The following ATXN10 variants were observed in gnomAD, a reference collection of about 807,000 sequenced individuals.
ATXN10 encodes ataxin-10.
ATXN10 carries 28 observed loss-of-function variants against 52.9 expected under a neutral mutation model. That is an observed-to-expected ratio of 0.53 (90% CI 0.39 to 0.73). The LOEUF (loss-of-function observed/expected upper bound fraction) is 0.73. Ranked by LOEUF, ATXN10 falls within the 30% of genes least tolerant of loss-of-function variation. ATXN10 has a pLI of 0.00. For synonymous variants in ATXN10, 226 were observed against 221.5 expected (o/e 1.02, Z -0.18); for missense variants, 565 against 577.0 (o/e 0.98, Z 0.21).
intron 9 of ATXN10, among the ~76,000 whole-genome samples, chr22:45,796,818 C>G (rs1363360772): frequency 6.6e-6 from 1 of 152,028 alleles, no homozygotes; most frequent in Non-Finnish European, 1.5e-5. Context: ...TTTTGAAAGG[C>G]AAGACTCAAT....
chr22:45,743,553 T>C (rs1925618618), intron 9 of ATXN10, among the ~76,000 whole-genome samples: 1 of 152,184 alleles, frequency 6.6e-6, no homozygotes, highest in South Asian at 2.1e-4. Context: ...GTGTTTTGTC[T>C]TGATGGATTG....
At chr22:45,809,290 C>T (rs1408690522) in intron 10 of ATXN10, among the ~76,000 whole-genome samples, 2 of 152,086 alleles carry the variant, frequency 1.3e-5, no homozygotes, top group Non-Finnish European at 1.5e-5. Context: ...CTTTACTCCT[C>T]GCTTCCCATT....
At chr22:45,674,728 A>T (rs548658820) in intron 1 of ATXN10, 2 of 152,398 alleles carry the variant, frequency 1.3e-5, no homozygotes, top group East Asian at 3.9e-4. Flanking sequence ...AATAGAAAAC[A>T]GCAGACAAAA....
intron 1 of ATXN10, chr22:45,675,652 A>G (rs1922655953): frequency 6.6e-6 from 1 of 152,258 alleles, no homozygotes; most frequent in South Asian, 2.1e-4. Flanking sequence ...AGCTCCAGTC[A>G]CATCCTCAGC....
Position 45,750,809 on chromosome 22 carries a change from G to C in ATXN10, c.1173+10271G>C, listed in dbSNP as rs767151623. ...TGTGATAAGGATAATCCAGCAACCC[G>C]GGGAGAAAAGGAAAGCTTATTACAA... On this transcript the variant is annotated intron_variant, in intron 9 of 11. Coordinates refer to ENST00000252934, the MANE Select transcript of ATXN10 (RefSeq NM_013236.4). This position sits in a 1 kb window ranked among gnomAD's most constrained non-coding sequence, Gnocchi z 4.2. Among the ~76,000 whole-genome samples, 1 of 152,148 alleles carries C rather than the reference G, an allele frequency of 6.6e-6. No homozygotes were observed. The highest frequency in any genetic ancestry group is 2.4e-5 in the African/African-American group (1 of 41,424).
chr22:45,778,331 A>T (rs1927032280), intron 9 of ATXN10, among the ~76,000 whole-genome samples: 1 of 152,216 alleles, frequency 6.6e-6, no homozygotes, highest in Admixed American at 6.5e-5. Context: ...AGCTCAGGAA[A>T]TACAGCAGTG....
In ATXN10 at chr22:45,793,586, C is replaced by T. The variant is rs1206061035; in HGVS notation, c.1174-13373C>T. The T allele has an allele frequency of 3.0e-6, 4 of 1,312,740 alleles. No homozygotes were observed. The East Asian group carries it at 1.1e-4, about 37-fold the overall frequency. The allele number at this position is 1,312,740 out of a possible 1,614,324, so 81.3% of individuals were successfully genotyped here. ...TGACAAATGACTAGAATTCTGGAGCCTGCACCTTCATTTTAGGCAGCTATT... is the reference window on the plus strand; with the variant it reads ...TGACAAATGACTAGAATTCTGGAGCTTGCACCTTCATTTTAGGCAGCTATT... On this transcript the variant is annotated intron_variant, in intron 9 of 11. Coordinates refer to ENST00000252934, the MANE Select transcript of ATXN10 (RefSeq NM_013236.4).
intron 10 of ATXN10, among the ~76,000 whole-genome samples, chr22:45,829,309 C>G (rs551533391): frequency 1.3e-5 from 2 of 152,268 alleles, no homozygotes; most frequent in East Asian, 1.9e-4. Flanking sequence ...AGCTTTTTCT[C>G]TAAGATCGGG....
rs1928473949 is a variant in ATXN10, at chr22:45,816,694, G to A, written c.1237+9672G>A. ...ATAGTATCTTAATAGGTAATATACG[G>A]GAGAAGCCTTCTTTTAATAAAATGT... On this transcript the variant is annotated intron_variant, in intron 10 of 11. Coordinates refer to ENST00000252934, the MANE Select transcript of ATXN10 (RefSeq NM_013236.4). This position sits in a 1 kb window ranked among gnomAD's most constrained non-coding sequence, Gnocchi z 5.8. Among the ~76,000 whole-genome samples the A allele has an allele frequency of 6.6e-6, 1 of 152,144 alleles. No homozygotes were observed. The highest frequency in any genetic ancestry group is 6.5e-5 in the Admixed American group (1 of 15,276).
intron 9 of ATXN10, among the ~76,000 whole-genome samples, chr22:45,778,097 A>G (rs1927023000): frequency 6.6e-6 from 1 of 152,192 alleles, no homozygotes; most frequent in Non-Finnish European, 1.5e-5. Context: ...GCAGAGTCTT[A>G]ACTATTTATT....
rs1924117719 is a variant in ATXN10 at position 45,708,318 on chromosome 22, A to G, written c.647+5471A>G. 6.6e-6 allele frequency among the ~76,000 whole-genome samples: 1 copy of G among 152,170 alleles called. No individual in the cohort carries two copies. Among genetic ancestry groups the G allele is most frequent in the Admixed American group, 6.5e-5 (1 of 15,282 alleles). On this transcript the variant is annotated intron_variant, in intron 5 of 11. Transcript: ENST00000252934. This position sits in a 1 kb window ranked among gnomAD's most constrained non-coding sequence, Gnocchi z 5.3. ...CAGTCAGTGCAGAATTACACAGTAG[A>G]GGAAGAGGTAGGACTGCCTCGTGCT...
chr22:45,716,737 A>G (rs1041062946), intron 5 of ATXN10, among the ~76,000 whole-genome samples: 23 of 152,220 alleles, frequency 1.5e-4, no homozygotes, highest in Non-Finnish European at 5.9e-5. Context: ...CTGAGTAAGT[A>G]AGAAAGAAAG....
In ATXN10 at chr22:45,705,074, T is replaced by C; in HGVS notation, c.647+2227T>C. Among the ~76,000 whole-genome samples the C allele has an allele frequency of 6.6e-6, 1 of 152,270 alleles. No individual in the cohort carries two copies. Among genetic ancestry groups the C allele is most frequent in the East Asian group, 1.9e-4 (1 of 5,198 alleles). ...TTAATACTTTGTCTAACAGTGATTT[T>C]TATACTTTAAATCAACTTTGGATTC... On this transcript the variant is annotated intron_variant, in intron 5 of 11. Transcript: ENST00000252934. The surrounding 1 kb of genome is among the most constrained non-coding windows in gnomAD (Gnocchi z 5.2).
chr22:45,843,794 T>C lies in ATXN10; in HGVS notation c.*123T>C. The C allele has an allele frequency of 1.1e-6, 1 of 937,944 alleles. No homozygotes were observed. The highest frequency in any genetic ancestry group is 1.7e-6 in the Non-Finnish European group (1 of 594,170). 58.1% of individuals were successfully genotyped at this position (937,944 alleles called of 1,614,324 possible). A position where few individuals can be genotyped will look rare whatever the true frequency, so the allele number is the denominator to read the frequency against. ...TACAAATTTGGGAACATACAAATCT[T>C]TTAGGTAGTAGAGTTTAACGTGTAT... On this transcript the variant is annotated 3_prime_UTR_variant, in exon 12 of 12. Coordinates refer to ENST00000252934, the MANE Select transcript of ATXN10 (RefSeq NM_013236.4). This position sits in a 1 kb window ranked among gnomAD's most constrained non-coding sequence, Gnocchi z 4.5.
intron 9 of ATXN10, among the ~76,000 whole-genome samples, chr22:45,801,526 A>G (rs987756509): frequency 2.6e-5 from 4 of 152,180 alleles, no homozygotes; most frequent in African/African-American, 9.6e-5. Context: ...ATGGTACTAT[A>G]TTTTTGTGAG....
chr22:45,699,850 T>A (rs1386147148), intron 3 of ATXN10, among the ~76,000 whole-genome samples: 1 of 149,950 alleles, frequency 6.7e-6, no homozygotes, highest in African/African-American at 2.4e-5. Context: ...CATATTAATT[T>A]TTTTTTTTTT....
Position 45,790,780 on chromosome 22 carries a change from C to T in ATXN10, c.1174-16179C>T, listed in dbSNP as rs1487799512. 1.3e-5 allele frequency among the ~76,000 whole-genome samples: 2 copies of T among 152,208 alleles called. No individual in the cohort carries two copies. Among genetic ancestry groups the T allele is most frequent in the Admixed American group, 6.5e-5 (1 of 15,284 alleles). ...ACTGTAAGTGTGTTAGAACACAGTG[C>T]GTTTTCATTCCTCTTTATATCTTTT... On this transcript the variant is annotated intron_variant, in intron 9 of 11. Transcript: ENST00000252934. This position sits in a 1 kb window ranked among gnomAD's most constrained non-coding sequence, Gnocchi z 4.7.
chr22:45,843,143 C>T lies in ATXN10; in HGVS notation c.1390C>T (p.Leu464=), dbSNP rs775229343. The T allele has an allele frequency of 3.7e-6, 6 of 1,614,088 alleles. No individual in the cohort carries two copies. The highest frequency in any genetic ancestry group is 5.1e-6 in the Non-Finnish European group (6 of 1,179,946). Residue 464 remains leucine (L), a synonymous_variant, in exon 11 of 12, where the codon CTG becomes TTG. Coordinates refer to ENST00000252934, the MANE Select transcript of ATXN10 (RefSeq NM_013236.4). The surrounding 1 kb of genome is among the most constrained non-coding windows in gnomAD (Gnocchi z 4.5). ...GFEVEKKGEK[L]ILKSTRDTPK... ...TGAAGTTGAAAAGAAAGGCGAAAAG[C>T]TGATCCTGAAATCTACTAGAGACAC...
Position 45,829,401 on chromosome 22 carries a change from A to G in ATXN10, c.1238-13590A>G, listed in dbSNP as rs1928917849. Among the ~76,000 whole-genome samples, 6 of 152,202 alleles carry G rather than the reference A, an allele frequency of 3.9e-5. No homozygotes were observed. The South Asian group carries it at 1.2e-3, about 31-fold the overall frequency. ...TAACCAAACCAATTAAGCATGAAAA[A>G]GAAAAGGCATCCAAATTAGAGGAAG... is the stretch of plus-strand genomic sequence containing the variant. On this transcript the variant is annotated intron_variant, in intron 10 of 11. Transcript: ENST00000252934.
Sources: allele counts gnomAD v4.1 joint callset (sites outside exome capture counted in the v4.1 genomes callset), GRCh38; gene constraint gnomAD v4.1.1; non-coding constraint Gnocchi (gnomAD v3.1); transcripts MANE v1.5; gene names NCBI Gene and HGNC (gene_info 2026-07-23, HGNC 2026-07-21).